RGS12: variants seen among roughly 807,000 people sequenced by gnomAD.
RGS12 encodes regulator of G protein signaling 12, also known as regulator of G-protein signaling 12.
In RGS12, 66 loss-of-function variants were observed where a neutral mutation model predicts 120.1. The observed-to-expected ratio is 0.55, with a 90% CI of 0.45 to 0.67. The LOEUF (loss-of-function observed/expected upper bound fraction) is 0.67, where lower values mean the gene tolerates loss of function less well. Ranked by LOEUF, RGS12 falls within the 30% of genes least tolerant of loss-of-function variation. RGS12 has a pLI of 0.00. For missense variants in RGS12, 1,859 were observed against 1,957.7 expected, an observed-to-expected ratio of 0.95 and a Z score of 0.95; for synonymous variants, 827 against 804.7, an observed-to-expected ratio of 1.03 and a Z score of -0.47.
intron 1 of RGS12, among the ~76,000 whole-genome samples, chr4:3,300,620 A>T (rs1723631806): frequency 6.6e-6 from 1 of 151,258 alleles, no homozygotes; most frequent in Admixed American, 6.6e-5. Context: ...CAGAGCTGTG[A>T]CCCCTCCGAA....
At chr4:3,417,811 C>T in intron 9 of RGS12, 1 of 416,284 alleles carries the variant, frequency 2.4e-6, no homozygotes, top group Non-Finnish European at 4.3e-6. Context: ...TCAGGCCTAC[C>T]CCACACAGTG....
intron 3 of RGS12, among the ~76,000 whole-genome samples, chr4:3,361,212 G>A (rs1715523708): frequency 6.6e-6 from 1 of 152,178 alleles, no homozygotes; most frequent in Admixed American, 6.5e-5. Context: ...AGGCAAGACT[G>A]TTGAAAACCA....
chr4:3,336,260 G>A (rs549561128), intron 2 of RGS12, among the ~76,000 whole-genome samples: 2 of 152,284 alleles, frequency 1.3e-5, no homozygotes, highest in Admixed American at 1.3e-4. Context: ...GGGTGGCAGC[G>A]GCTTCCCGAG....
intron 4 of RGS12, among the ~76,000 whole-genome samples, chr4:3,394,953 G>A (rs957603719): frequency 4.6e-5 from 7 of 152,194 alleles, no homozygotes; most frequent in African/African-American, 1.7e-4. Flanking sequence ...TGGATTCCTT[G>A]AGGCCAAGAG....
chr4:3,431,642 G>A, intron 17 of RGS12: 1 of 985,658 alleles, frequency 1.0e-6, no homozygotes, highest in Non-Finnish European at 1.2e-6. Flanking sequence ...AGAAACTGAG[G>A]CGAGGCTCCC....
In RGS12 at chr4:3,424,916, T is replaced by C. The variant is rs547773197; in HGVS notation, c.3235-548T>C. Among the ~76,000 whole-genome samples, 325 of 152,338 alleles carry C rather than the reference T, an allele frequency of 2.1e-3. 4 individuals carry two copies. The highest frequency in any genetic ancestry group is 7.5e-3 in the African/African-American group (313 of 41,578). On this transcript the variant is annotated intron_variant, in intron 13 of 17. Coordinates refer to ENST00000336727, the MANE Select transcript of RGS12 (RefSeq NM_001394154.1). ...TCTCCCGCCTGGCATTGGACAGCTG[T>C]CATTCCCCTGACTGACAGATCGTGA... is the stretch of plus-strand genomic sequence containing the variant.
At chr4:3,292,358 C>T (rs1298428286), upstream of RGS12, among the ~76,000 whole-genome samples, 1 of 152,198 alleles carries the variant, frequency 6.6e-6, no homozygotes, top group African/African-American at 2.4e-5. Flanking sequence ...GGGGCAGACC[C>T]GCTGGACGCC....
rs369701778 is a variant in RGS12, at chr4:3,321,422, C to T, written c.1881+3371C>T. On this transcript the variant is annotated intron_variant, in intron 2 of 17. Transcript: ENST00000336727. ...CCATCTGGGAGGCAGTGCCTGTGCC[C>T]ATTGCTGAACATTGAGCCCCTGGGC... Among the ~76,000 whole-genome samples the T allele has an allele frequency of 2.0e-5, 3 of 152,332 alleles. No individual in the cohort carries two copies. In the East Asian group the frequency reaches 5.8e-4, roughly 29 times the overall value.
rs542068126 is a variant in RGS12 at position 3,322,086 on chromosome 4, C to T, written c.1881+4035C>T. Reference sequence around the variant, plus strand: ...CATCCTGCTGTCTGCAGGCTCAGCCCGGGTTTCCGCCCTCAGTGGCCACTT... The same window carrying T: ...CATCCTGCTGTCTGCAGGCTCAGCCTGGGTTTCCGCCCTCAGTGGCCACTT... On this transcript the variant is annotated intron_variant, in intron 2 of 17. Transcript: ENST00000336727. 7.9e-4 allele frequency among the ~76,000 whole-genome samples: 121 copies of T among 152,328 alleles called. 1 individual carries two copies. The highest frequency in any genetic ancestry group is 2.6e-3 in the African/African-American group (109 of 41,574).
intron 3 of RGS12, among the ~76,000 whole-genome samples, chr4:3,371,917 G>A (rs1717044316): frequency 1.3e-5 from 2 of 152,294 alleles, no homozygotes. Context: ...TCTAGGAGCT[G>A]TTGCCCGACT....
chr4:3,417,421 A>T lies in RGS12; in HGVS notation c.2641A>T (p.Asn881Tyr). The change falls in exon 9 of 18, where the codon AAT becomes TAT. Residue 881 changes from asparagine (N) to tyrosine (Y), a missense_variant. Asn to Tyr is a moderately radical substitution (Grantham distance 143). Coordinates refer to ENST00000336727, the MANE Select transcript of RGS12 (RefSeq NM_001394154.1). ...SGKSKSGRSL[N>Y]EELGDEDSEK... is the part of the protein sequence containing the mutation. ...AAAATCAAAATCCGGCCGATCCCTG[A>T]ATGAAGAGCTGGGGGATGAGGACAG... 2 of 1,581,074 alleles carry T rather than the reference A, an allele frequency of 1.3e-6. No homozygotes were observed. The highest frequency in any genetic ancestry group is 2.2e-5 in the South Asian group (2 of 88,972).
intron 3 of RGS12, chr4:3,370,279 G>A (rs754751936): frequency 1.2e-6 from 2 of 1,614,046 alleles, no homozygotes; most frequent in Admixed American, 3.3e-5. Context: ...TGAATTTGGG[G>A]AAAGAGTTGT....
At chr4:3,308,810 C>A (rs186290008) in intron 1 of RGS12, among the ~76,000 whole-genome samples, 1 of 152,378 alleles carries the variant, frequency 6.6e-6, no homozygotes, top group African/African-American at 2.4e-5. Context: ...GGCTGGGAGC[C>A]GCTCTGTCAG....
intron 3 of RGS12, among the ~76,000 whole-genome samples, chr4:3,351,105 G>A (rs1714313952): frequency 6.6e-6 from 1 of 152,098 alleles, no homozygotes; most frequent in South Asian, 2.1e-4. Flanking sequence ...TTTCATAGCA[G>A]TTTGACTTTT....
chr4:3,431,109 C>G (rs1210499054), intron 17 of RGS12, 154 bp downstream of exon 17: 4 of 1,438,486 alleles, frequency 2.8e-6, no homozygotes, highest in Non-Finnish European at 3.6e-6. Context: ...CCTTGGCCCT[C>G]TTGGAAAGGA....
the RGS12 span, among the ~76,000 whole-genome samples, chr4:3,286,357 G>A: frequency 3.3e-5 from 5 of 152,166 alleles, no homozygotes; most frequent in Admixed American, 3.3e-4. Context: ...CTGCGTATGC[G>A]GTGGGCAAAC....
intron 3 of RGS12, among the ~76,000 whole-genome samples, chr4:3,369,372 A>C (rs1474192228): frequency 6.6e-6 from 1 of 152,218 alleles, no homozygotes; most frequent in African/African-American, 2.4e-5. Context: ...CCTCCACAGA[A>C]AGGCAGAAGC....
chr4:3,287,858 T>A, the RGS12 span, among the ~76,000 whole-genome samples: 1 of 152,110 alleles, frequency 6.6e-6, no homozygotes, highest in African/African-American at 2.4e-5. Flanking sequence ...GCTGGCAGGC[T>A]CATTTGTCCC....
intron 4 of RGS12, among the ~76,000 whole-genome samples, chr4:3,395,026 A>C (rs1380160249): frequency 6.6e-6 from 1 of 151,874 alleles, no homozygotes; most frequent in Admixed American, 6.6e-5. Flanking sequence ...AAAAAACAAA[A>C]CAAAACAAAA....
Sources: allele counts gnomAD v4.1 joint callset (sites outside exome capture counted in the v4.1 genomes callset), GRCh38; gene constraint gnomAD v4.1.1; transcripts MANE v1.5; gene names NCBI Gene and HGNC (gene_info 2026-07-23, HGNC 2026-07-21).